MACROD2: variants seen among roughly 807,000 people sequenced by gnomAD.
The protein encoded by MACROD2 is mono-ADP ribosylhydrolase 2.
A neutral mutation model predicts 70.4 loss-of-function variants in MACROD2; 36 were observed. That is an observed-to-expected ratio of 0.51 (90% CI 0.39 to 0.68). MACROD2 has a LOEUF of 0.68. MACROD2 is among the 30% of genes least tolerant of loss of function. The pLI is 0.00. For synonymous variants in MACROD2, 172 were observed against 178.8 expected (o/e 0.96, Z 0.30); for missense variants, 496 against 538.4 (o/e 0.92, Z 0.78).
rs151204922 is a variant in MACROD2, at chr20:15,606,728, C to T, written c.645+106881C>T. Among the ~76,000 whole-genome samples, 1,202 of 152,268 alleles carry T rather than the reference C, an allele frequency of 7.9e-3. 19 individuals are homozygous for T. The highest frequency in any genetic ancestry group is 0.026 in the African/African-American group (1,096 of 41,540). On this transcript the variant is annotated intron_variant, in intron 8 of 17. Coordinates refer to ENST00000684519, the MANE Select transcript of MACROD2 (RefSeq NM_001351661.2). ...TTCAAAAATTGGGGAACTGGCTAGG[C>T]GCAGTGGCTCATGCTTGTAATCCCA...
chr20:14,024,328 T>G (rs2053127545), intron 2 of MACROD2, among the ~76,000 whole-genome samples: 1 of 152,240 alleles, frequency 6.6e-6, no homozygotes, highest in Non-Finnish European at 1.5e-5. Context: ...AATCATGTCA[T>G]CTGCAAACAG....
At chr20:14,699,855 GAAGTTTA>G (rs1326619126) in intron 5 of MACROD2, among the ~76,000 whole-genome samples, 1 of 134,714 alleles carries the variant, frequency 7.4e-6, no homozygotes, top group African/African-American at 2.8e-5. Flanking sequence ...TTTAAATCTA[GAAGTTTA>G]AAGTTTAAAC....
At chr20:15,764,060 G>A (rs999914716) in intron 8 of MACROD2, among the ~76,000 whole-genome samples, 2 of 152,196 alleles carry the variant, frequency 1.3e-5, no homozygotes, top group Non-Finnish European at 2.9e-5. Context: ...TGGAAGAAAG[G>A]CTGGAAGTGG....
chr20:15,519,943 T>C (rs2047629388), intron 8 of MACROD2, among the ~76,000 whole-genome samples: 1 of 152,180 alleles, frequency 6.6e-6, no homozygotes, highest in Non-Finnish European at 1.5e-5. Flanking sequence ...GCAAAGGCTT[T>C]TGTGGCAAAG....
At chr20:15,385,934 G>T (rs2045706632) in intron 6 of MACROD2, among the ~76,000 whole-genome samples, 2 of 152,128 alleles carry the variant, frequency 1.3e-5, no homozygotes, top group African/African-American at 4.8e-5. Flanking sequence ...ATGACGATCT[G>T]TTCTATAAGG....
rs560457969 is a variant in MACROD2, at chr20:15,707,449, C to G, written c.646-155296C>G. Among the ~76,000 whole-genome samples, 12 of 152,220 alleles carry G rather than the reference C, an allele frequency of 7.9e-5. No homozygotes were observed. In the South Asian group the frequency reaches 2.3e-3, roughly 29 times the overall value. The stretch of plus-strand genomic sequence containing the variant: ...TGATTAATAAATAAGACTGTCCATG[C>G]CCCCAGCTTCATATTCTAGTGGAAA... On this transcript the variant is annotated intron_variant, in intron 8 of 17. Transcript: ENST00000684519.
chr20:15,051,877 G>A (rs1354298918), intron 5 of MACROD2, among the ~76,000 whole-genome samples: 2 of 151,522 alleles, frequency 1.3e-5, no homozygotes, highest in East Asian at 1.9e-4. Context: ...TCAGCCTGTC[G>A]AGTAGCTGGG....
At chr20:14,230,669 C>CTATATATATATATATATATA (rs71190120) in intron 3 of MACROD2, among the ~76,000 whole-genome samples, 1 of 92,922 alleles carries the variant, frequency 1.1e-5, no homozygotes, top group African/African-American at 5.2e-5. Flanking sequence ...CAGGCTGGGC[C>CTATATATATATATATATATA]TATATATATA....
intron 8 of MACROD2, among the ~76,000 whole-genome samples, chr20:15,586,577 G>T (rs1289171305): frequency 4.6e-5 from 7 of 152,060 alleles, no homozygotes; most frequent in Non-Finnish European, 1.0e-4. Context: ...ATGCTGACCA[G>T]GAAAACACTG....
chr20:14,132,415 T>C (rs1814600526), intron 3 of MACROD2, among the ~76,000 whole-genome samples: 1 of 152,176 alleles, frequency 6.6e-6, no homozygotes, highest in African/African-American at 2.4e-5. Flanking sequence ...TACTGGAATA[T>C]ATATAGGAGA....
chr20:14,788,974 G>T (rs1341685549), intron 5 of MACROD2, among the ~76,000 whole-genome samples: 1 of 151,682 alleles, frequency 6.6e-6, no homozygotes. Flanking sequence ...TCACCATGTT[G>T]GTCAGGCTGG....
intron 5 of MACROD2, among the ~76,000 whole-genome samples, chr20:14,804,995 T>TA (rs1448094134): frequency 2.0e-5 from 3 of 151,964 alleles, no homozygotes; most frequent in African/African-American, 7.3e-5. Flanking sequence ...AAACCACAGT[T>TA]ATTAAGTTGA....
At chr20:14,129,157 G>A (rs1032695521) in intron 3 of MACROD2, among the ~76,000 whole-genome samples, 1 of 152,106 alleles carries the variant, frequency 6.6e-6, no homozygotes. Flanking sequence ...AGCTTCTAGA[G>A]AAAAAAGTAA....
At chr20:15,014,574 T>TAA (rs2075107083) in intron 5 of MACROD2, among the ~76,000 whole-genome samples, 1 of 152,180 alleles carries the variant, frequency 6.6e-6, no homozygotes, top group South Asian at 2.1e-4. Flanking sequence ...AGGATGCCCT[T>TAA]AAAATCATGA....
intron 5 of MACROD2, among the ~76,000 whole-genome samples, chr20:14,837,008 TTGTAA>T (rs2073037066): frequency 6.6e-6 from 1 of 152,062 alleles, no homozygotes; most frequent in Non-Finnish European, 1.5e-5. Context: ...AATAAAACTC[TTGTAA>T]TTAACTAGAA....
chr20:14,523,066 G>A (rs373104123), intron 4 of MACROD2, among the ~76,000 whole-genome samples: 2 of 152,158 alleles, frequency 1.3e-5, no homozygotes, highest in South Asian at 4.1e-4. Flanking sequence ...CTGGCTTTGA[G>A]TAGCATTGTA....
intron 5 of MACROD2, among the ~76,000 whole-genome samples, chr20:15,043,387 G>A (rs1239981405): frequency 2.6e-5 from 4 of 152,152 alleles, no homozygotes; most frequent in Non-Finnish European, 5.9e-5. Context: ...ATGGGGCATT[G>A]GCTCTCCAGG....
chr20:15,767,196 G>A (rs2147008727), intron 8 of MACROD2, among the ~76,000 whole-genome samples: 1 of 152,296 alleles, frequency 6.6e-6, no homozygotes, highest in Non-Finnish European at 1.5e-5. Context: ...TAGATTTTAT[G>A]TTTTCTCTTT....
At chr20:14,032,077 TA>T (rs1322604353) in intron 2 of MACROD2, among the ~76,000 whole-genome samples, 4 of 152,252 alleles carry the variant, frequency 2.6e-5, no homozygotes, top group Admixed American at 2.6e-4. Flanking sequence ...GCTTTTAGTG[TA>T]AAAATTTATT....
Sources: gnomAD v4.1 joint callset for allele counts (sites outside exome capture counted in the v4.1 genomes callset) on GRCh38, gnomAD v4.1.1 for gene constraint, MANE v1.5 for transcripts, NCBI Gene and HGNC (gene_info 2026-07-23, HGNC 2026-07-21) for gene names.